Variants in HERC3 observed in about 807,000 individuals in gnomAD.
HERC3 encodes HECT and RLD domain containing E3 ubiquitin protein ligase 3, also known as probable E3 ubiquitin-protein ligase HERC3.
HERC3 carries 58 observed loss-of-function variants against 129.9 expected under a neutral mutation model. The observed-to-expected ratio is 0.45, with a 90% CI of 0.36 to 0.56. HERC3 has a LOEUF of 0.56. Among genes scored for constraint, HERC3 ranks in the 20% least tolerant of loss-of-function variants. The pLI is 0.00. For synonymous variants in HERC3, 430 were observed against 451.0 expected (o/e 0.95, Z 0.59); for missense variants, 835 against 1,244.2 (o/e 0.67, Z 4.95).
chr4:88,693,444 A>T (rs1306538468), intron 23 of HERC3: 11 of 972,912 alleles, frequency 1.1e-5, no homozygotes, highest in Non-Finnish European at 1.3e-5. Context: ...CTTTAAAAAA[A>T]AAGTTGCATT....
At chr4:88,568,100 A>G in the HERC3 span, among the ~76,000 whole-genome samples, 2 of 152,206 alleles carry the variant, frequency 1.3e-5, no homozygotes, top group African/African-American at 4.8e-5. Context: ...TTAGACAGAG[A>G]TTCTTGTTCT....
intron 3 of HERC3, among the ~76,000 whole-genome samples, chr4:88,637,261 TA>T (rs1727523538): frequency 1.3e-5 from 2 of 151,692 alleles, no homozygotes; most frequent in African/African-American, 4.9e-5. Context: ...CCGTCTCTAC[TA>T]AAAATACAAA....
At chr4:88,581,537 C>A in the HERC3 span, among the ~76,000 whole-genome samples, 5 of 151,888 alleles carry the variant, frequency 3.3e-5, no homozygotes, top group African/African-American at 1.2e-4. Flanking sequence ...AACTCCTGAC[C>A]TCAGGTGATC....
rs749537038 is a variant in HERC3 at position 88,662,484 on chromosome 4, T to C, written c.1200T>C (p.Ser400=). The C allele has an allele frequency of 6.2e-7, 1 of 1,613,420 alleles. No individual in the cohort carries two copies. Among genetic ancestry groups the C allele is most frequent in the Non-Finnish European group, 8.5e-7 (1 of 1,179,452 alleles). ...CTATGAACCAAGCACATTATACCAGTTTAATAAATGATGAAACCATAGCAG... is the reference window on the plus strand; with the variant it reads ...CTATGAACCAAGCACATTATACCAGCTTAATAAATGATGAAACCATAGCAG... ...FRTMNQAHYT[S]LINDETIAVW... Residue 400 remains serine (S), a synonymous_variant, in exon 11 of 26, where the codon AGT becomes AGC. Coordinates refer to ENST00000402738, the MANE Select transcript of HERC3 (RefSeq NM_014606.3).
At chr4:88,664,990 G>A (rs922025255) in intron 12 of HERC3, among the ~76,000 whole-genome samples, 2 of 152,162 alleles carry the variant, frequency 1.3e-5, no homozygotes, top group Non-Finnish European at 2.9e-5. Context: ...GTAATCCCAA[G>A]TCCTAATTAT....
the HERC3 span, among the ~76,000 whole-genome samples, chr4:88,554,122 C>A: frequency 5.9e-5 from 9 of 152,174 alleles, no homozygotes; most frequent in African/African-American, 2.2e-4. Context: ...CTGAGATGGG[C>A]AGATTACAAG....
chr4:88,525,966 A>G, the HERC3 span, among the ~76,000 whole-genome samples: 2 of 152,208 alleles, frequency 1.3e-5, no homozygotes, highest in Non-Finnish European at 2.9e-5. Context: ...CTCAGATACA[A>G]TATAGCTGTG....
rs1368528150 is a variant in HERC3 at position 88,678,020 on chromosome 4, TCTG to T, written c.2086_2088del (p.Leu696del). The stretch of plus-strand genomic sequence containing the variant: ...TCTTCATGCTTCTCACCCTGGAGCC[TCTG>T]CTGGCCAGAAGCCCCTTCCTGGTCC... On this transcript the variant is annotated inframe_deletion, in exon 19 of 26. Coordinates refer to ENST00000402738, the MANE Select transcript of HERC3 (RefSeq NM_014606.3). 1 of 1,613,914 alleles carries T rather than the reference TCTG, an allele frequency of 6.2e-7. No homozygotes were observed. The highest frequency in any genetic ancestry group is 1.7e-5 in the Admixed American group (1 of 60,026).
At chr4:88,680,259 A>T (rs17014449) in intron 20 of HERC3, 23 bp downstream of exon 20, 108,996 of 1,552,746 alleles carry the variant, frequency 0.07, 6,473 homozygotes, top group African/African-American at 0.24. Flanking sequence ...TGTCACAATT[A>T]AACAGATGGA....
chr4:88,678,807 C>T (rs1388510619), intron 19 of HERC3, among the ~76,000 whole-genome samples: 1 of 152,158 alleles, frequency 6.6e-6, no homozygotes. Context: ...TGATCATCTC[C>T]ATAATATTTT....
the HERC3 span, among the ~76,000 whole-genome samples, chr4:88,549,457 T>G: frequency 6.6e-6 from 1 of 152,188 alleles, no homozygotes; most frequent in African/African-American, 2.4e-5. Flanking sequence ...GCTCTTCCTC[T>G]TCTTCCTGCT....
chr4:88,631,286 C>T (rs1340268695), intron 3 of HERC3, among the ~76,000 whole-genome samples: 1 of 152,056 alleles, frequency 6.6e-6, no homozygotes, highest in Non-Finnish European at 1.5e-5. Flanking sequence ...GAAACCCCGC[C>T]TGTACTAAAA....
chr4:88,599,680 G>A (rs1363442730), intron 2 of HERC3, among the ~76,000 whole-genome samples: 1 of 152,184 alleles, frequency 6.6e-6, no homozygotes, highest in Non-Finnish European at 1.5e-5. Flanking sequence ...AGACTGAGAT[G>A]CTTTGGTTAC....
intron 2 of HERC3, 113 bp from the exon 3 acceptor site, chr4:88,605,682 T>A: frequency 1.7e-6 from 1 of 593,572 alleles, no homozygotes; most frequent in Non-Finnish European, 3.0e-6. Context: ...TTGTAAGATA[T>A]CTGAAGAATA....
In HERC3 at chr4:88,662,510, T is replaced by G; in HGVS notation, c.1226T>G (p.Val409Gly). The G allele has an allele frequency of 1.2e-6, 2 of 1,613,686 alleles. No homozygotes were observed. The highest frequency in any genetic ancestry group is 1.7e-6 in the Non-Finnish European group (2 of 1,179,760). The part of the protein sequence containing the change: ...TSLINDETIA[V>G]WRQKLSEHNN... Reference sequence around the variant, plus strand: ...TTAATAAATGATGAAACCATAGCAGTTTGGAGACAAAAACTCTCAGAACAC... The same window carrying G: ...TTAATAAATGATGAAACCATAGCAGGTTGGAGACAAAAACTCTCAGAACAC... The change falls in exon 11 of 26, where the codon GTT (valine) becomes GGT (glycine). Residue 409 changes from valine to glycine, a missense_variant. Transcript: ENST00000402738.
At chr4:88,624,941 T>G (rs946173638) in intron 3 of HERC3, among the ~76,000 whole-genome samples, 4 of 152,154 alleles carry the variant, frequency 2.6e-5, no homozygotes, top group South Asian at 2.1e-4. Flanking sequence ...TTCAGCATCA[T>G]TATTGAAAAG....
intron 23 of HERC3, among the ~76,000 whole-genome samples, chr4:88,691,294 A>G (rs1734049816): frequency 2.0e-5 from 3 of 152,184 alleles, no homozygotes; most frequent in Admixed American, 2.0e-4. Flanking sequence ...ACTGATGTAT[A>G]TGTCTGTGTC....
At chr4:88,628,925 G>A (rs972008560) in intron 3 of HERC3, among the ~76,000 whole-genome samples, 12 of 152,212 alleles carry the variant, frequency 7.9e-5, no homozygotes, top group African/African-American at 2.6e-4. Context: ...CTGTAATCCC[G>A]GGACTTGGGA....
chr4:88,687,580 A>C (rs568801117), intron 23 of HERC3, among the ~76,000 whole-genome samples: 1 of 152,108 alleles, frequency 6.6e-6, no homozygotes, highest in Non-Finnish European at 1.5e-5. Flanking sequence ...TCATCTGCCA[A>C]ATGGGGATTA....
Sources: allele counts gnomAD v4.1 joint callset (sites outside exome capture counted in the v4.1 genomes callset), GRCh38; gene constraint gnomAD v4.1.1; transcripts MANE v1.5; gene names NCBI Gene and HGNC (gene_info 2026-07-23, HGNC 2026-07-21).